UNC79: variants seen among roughly 807,000 people sequenced by gnomAD.
UNC79 encodes the protein unc-79 subunit of NALCN channel complex.
In UNC79, 37 loss-of-function variants were observed where a neutral mutation model predicts 283.1. The observed-to-expected ratio is 0.13, with a 90% CI of 0.10 to 0.17. The LOEUF is 0.17. Among genes scored for constraint, UNC79 ranks in the 10% least tolerant of loss-of-function variants. UNC79 has a pLI of 1.00. For missense variants in UNC79, 2,272 were observed against 3,211.1 expected (o/e 0.71, Z 7.07); for synonymous variants, 1,107 against 1,200.2 (o/e 0.92, Z 1.61).
chr14:93,398,200 T>C (rs2055037153), intron 1 of UNC79, among the ~76,000 whole-genome samples: 1 of 152,158 alleles, frequency 6.6e-6, no homozygotes, highest in Admixed American at 6.5e-5. Flanking sequence ...TAAGAGTTTA[T>C]GTGTGTGTGC....
chr14:93,481,028 G>A (rs918371514), intron 4 of UNC79, among the ~76,000 whole-genome samples: 2 of 152,092 alleles, frequency 1.3e-5, no homozygotes, highest in African/African-American at 2.4e-5. Context: ...ACCTAATGAG[G>A]TATTGCAGCT....
intron 1 of UNC79, among the ~76,000 whole-genome samples, chr14:93,372,112 TAAAG>T (rs938828287): frequency 6.6e-6 from 1 of 151,952 alleles, no homozygotes; most frequent in Non-Finnish European, 1.5e-5. Flanking sequence ...TGGATCAACA[TAAAG>T]AAAAAAGGAA....
Position 93,670,077 on chromosome 14 carries a change from T to C in UNC79, c.6637-3274T>C, listed in dbSNP as rs77556046. Among the ~76,000 whole-genome samples the C allele has an allele frequency of 2.7e-3, 407 of 152,114 alleles. 1 individual carries two copies. The highest frequency in any genetic ancestry group is 6.3e-3 in the African/African-American group (261 of 41,494). On this transcript the variant is annotated intron_variant, in intron 40 of 48. Coordinates refer to ENST00000555664, the Ensembl canonical transcript of UNC79. ...AATGTGCTGTTGTTTGTCTGGGAGGTGATTACATGAGTGTTCGGTCCATCT... is the reference window on the plus strand; with the variant it reads ...AATGTGCTGTTGTTTGTCTGGGAGGCGATTACATGAGTGTTCGGTCCATCT...
intron 11 of UNC79, among the ~76,000 whole-genome samples, chr14:93,537,162 G>T (rs1262510486): frequency 1.3e-5 from 2 of 152,146 alleles, no homozygotes; most frequent in South Asian, 2.1e-4. Flanking sequence ...TGTGGTGGTC[G>T]CATCTCTCAT....
exon 38 of UNC79, chr14:93,655,272 T>C (rs751352696): frequency 4.3e-6 from 7 of 1,614,020 alleles, no homozygotes; most frequent in Non-Finnish European, 5.9e-6. Context: ...CAGGGGGTGC[T>C]ATGATTCGCT....
At chr14:93,536,873 C>A (rs1278137471) in intron 11 of UNC79, among the ~76,000 whole-genome samples, 1 of 145,698 alleles carries the variant, frequency 6.9e-6, no homozygotes, top group Non-Finnish European at 1.5e-5. Context: ...TATATTCGAG[C>A]CCTTGCTATC....
intron 37 of UNC79, among the ~76,000 whole-genome samples, chr14:93,655,030 C>T (rs574312771): frequency 6.6e-6 from 1 of 152,326 alleles, no homozygotes; most frequent in Admixed American, 6.5e-5. Context: ...GCTCACTTTT[C>T]ACCTCTCATC....
intron 1 of UNC79, among the ~76,000 whole-genome samples, chr14:93,393,485 TA>T (rs1408649484): frequency 6.6e-6 from 1 of 152,170 alleles, no homozygotes; most frequent in Non-Finnish European, 1.5e-5. Context: ...CCAAATGACA[TA>T]GGCTTATTTT....
At position 93,621,559 on chromosome 14, in the gene UNC79, T is replaced by G; in HGVS notation, c.4388-62T>G. 1 of 1,486,090 alleles carries G rather than the reference T, an allele frequency of 6.7e-7. No individual in the cohort carries two copies. Among genetic ancestry groups the G allele is most frequent in the Non-Finnish European group, 8.9e-7 (1 of 1,119,254 alleles). The allele number at this position is 1,486,090 out of a possible 1,614,324, so 92.1% of individuals were successfully genotyped here. On this transcript the variant is annotated intron_variant, in intron 29 of 48. Coordinates refer to ENST00000555664, the Ensembl canonical transcript of UNC79. This position sits in a 1 kb window ranked among gnomAD's most constrained non-coding sequence, Gnocchi z 4.8. Reference sequence around the variant, plus strand: ...TTTATGCCAATTGTATGCCCAAGGATGAGGGGAAAAAATGGTGAAATCTCC... The same window carrying G: ...TTTATGCCAATTGTATGCCCAAGGAGGAGGGGAAAAAATGGTGAAATCTCC...
chr14:93,477,952 T>C (rs1394975353), intron 4 of UNC79, among the ~76,000 whole-genome samples: 1 of 152,202 alleles, frequency 6.6e-6, no homozygotes, highest in Non-Finnish European at 1.5e-5. Flanking sequence ...TGTTTGATCT[T>C]ATAGAATAGA....
chr14:93,377,158 G>GCGCTATCTGCAAT (rs2054577661), intron 1 of UNC79, among the ~76,000 whole-genome samples: 1 of 149,576 alleles, frequency 6.7e-6, no homozygotes, highest in Non-Finnish European at 1.5e-5. Context: ...GAGTGCAGTG[G>GCGCTATCTGCAAT]CGCTATCTGC....
chr14:93,385,914 G>T (rs1208117102), intron 1 of UNC79, among the ~76,000 whole-genome samples: 3 of 152,080 alleles, frequency 2.0e-5, no homozygotes, highest in African/African-American at 7.2e-5. Context: ...CATATCATCT[G>T]CAAACAAGGA....
chr14:93,397,928 A>G (rs1384762899), intron 1 of UNC79, among the ~76,000 whole-genome samples: 1 of 152,130 alleles, frequency 6.6e-6, no homozygotes, highest in Admixed American at 6.6e-5. Context: ...TTTGTTCTTA[A>G]CAAGATGCAG....
intron 41 of UNC79, among the ~76,000 whole-genome samples, chr14:93,679,162 G>A (rs975564429): frequency 6.6e-6 from 1 of 152,140 alleles, no homozygotes; most frequent in Non-Finnish European, 1.5e-5. Flanking sequence ...CCTATTATGT[G>A]TCAAGAGTAG....
chr14:93,574,456 G>C (rs774233753), intron 16 of UNC79, among the ~76,000 whole-genome samples: 6 of 152,152 alleles, frequency 3.9e-5, no homozygotes, highest in Non-Finnish European at 5.9e-5. Flanking sequence ...TCCTTTCTGC[G>C]TACTTCCTTT....
intron 1 of UNC79, among the ~76,000 whole-genome samples, chr14:93,355,579 C>T (rs1047261657): frequency 1.1e-4 from 16 of 152,056 alleles, no homozygotes; most frequent in African/African-American, 3.9e-4. Flanking sequence ...GTGATCTGCC[C>T]GCCTTGGCCT....
chr14:93,341,522 T>C (rs2053709948), intron 1 of UNC79, among the ~76,000 whole-genome samples: 1 of 151,200 alleles, frequency 6.6e-6, no homozygotes, highest in Admixed American at 6.6e-5. Context: ...CCTAGCACTT[T>C]CGGAGGCTGA....
chr14:93,702,138 GAGA>G (rs2075574596), intron 47 of UNC79, among the ~76,000 whole-genome samples: 1 of 152,198 alleles, frequency 6.6e-6, no homozygotes. Flanking sequence ...ATTATAGGGG[GAGA>G]CAGTTAGACT....
intron 42 of UNC79, among the ~76,000 whole-genome samples, chr14:93,683,177 T>C (rs1252688618): frequency 6.6e-6 from 1 of 152,188 alleles, no homozygotes; most frequent in Non-Finnish European, 1.5e-5. Context: ...CAAGGTTCTA[T>C]GAGACAAAAA....
Sources: allele counts gnomAD v4.1 joint callset (sites outside exome capture counted in the v4.1 genomes callset), GRCh38; gene constraint gnomAD v4.1.1; non-coding constraint Gnocchi (gnomAD v3.1); transcripts MANE v1.5; gene names NCBI Gene and HGNC (gene_info 2026-07-23, HGNC 2026-07-21).